Variants in DOCK1 observed in about 807,000 individuals in gnomAD.
DOCK1 encodes the protein dedicator of cytokinesis protein 1.
A neutral mutation model predicts 262.7 loss-of-function variants in DOCK1; 138 were observed. The ratio of observed to expected loss-of-function variants is 0.53; its 90% CI spans 0.46 to 0.61. The LOEUF is 0.61. Ranked by LOEUF, DOCK1 falls within the 20% of genes least tolerant of loss-of-function variation. The pLI, the probability that DOCK1 is intolerant of heterozygous loss-of-function variation, is 0.00. For missense variants in DOCK1, 1,908 were observed against 2,370.7 expected, an observed-to-expected ratio of 0.80 and a Z score of 4.05; for synonymous variants, 866 against 867.4, an observed-to-expected ratio of 1.00 and a Z score of 0.03.
intron 23 of DOCK1, among the ~76,000 whole-genome samples, chr10:127,063,961 G>A (rs1472916346): frequency 6.6e-6 from 1 of 152,178 alleles, no homozygotes; most frequent in African/African-American, 2.4e-5. Context: ...CTGGTAATTG[G>A]TATCGTATTA....
At chr10:127,061,150 C>A (rs2045504177) in intron 22 of DOCK1, among the ~76,000 whole-genome samples, 1 of 152,130 alleles carries the variant, frequency 6.6e-6, no homozygotes, top group Non-Finnish European at 1.5e-5. Context: ...ATTGCTTGAA[C>A]CCAGGAAGCG....
At chr10:127,067,552 G>T (rs1227502323) in intron 23 of DOCK1, among the ~76,000 whole-genome samples, 2 of 151,986 alleles carry the variant, frequency 1.3e-5, no homozygotes, top group Non-Finnish European at 2.9e-5. Context: ...TGTGTGTTGT[G>T]CATATGAAGC....
intron 22 of DOCK1, among the ~76,000 whole-genome samples, chr10:127,057,725 T>C (rs986090940): frequency 2.0e-5 from 3 of 152,226 alleles, no homozygotes; most frequent in African/African-American, 7.2e-5. Context: ...AATCTAGTTA[T>C]TGCCTGCCTT....
chr10:127,277,085 A>G (rs1030637069), intron 29 of DOCK1, among the ~76,000 whole-genome samples: 5 of 152,184 alleles, frequency 3.3e-5, no homozygotes, highest in African/African-American at 7.2e-5. Context: ...CTGCCTCTAT[A>G]TGGAGAACTG....
chr10:127,385,176 T>C (rs2066040562), intron 38 of DOCK1, among the ~76,000 whole-genome samples: 1 of 152,214 alleles, frequency 6.6e-6, no homozygotes, highest in African/African-American at 2.4e-5. Context: ...TCTGGAACAC[T>C]GATTCGGAGG....
At chr10:127,287,766 CTTA>C (rs932215184) in intron 29 of DOCK1, among the ~76,000 whole-genome samples, 5 of 151,844 alleles carry the variant, frequency 3.3e-5, no homozygotes, top group African/African-American at 1.2e-4. Context: ...TTTTCTGTCT[CTTA>C]TAACGTGAAG....
chr10:127,014,484 C>T (rs1025818442), intron 12 of DOCK1, among the ~76,000 whole-genome samples: 13 of 152,172 alleles, frequency 8.5e-5, no homozygotes, highest in African/African-American at 1.4e-4. Context: ...CGCAGGCCGG[C>T]GTTTCTGAGA....
intron 29 of DOCK1, among the ~76,000 whole-genome samples, chr10:127,279,922 A>C (rs1481186478): frequency 6.6e-6 from 1 of 151,670 alleles, no homozygotes; most frequent in Non-Finnish European, 1.5e-5. Context: ...AGTTCGAGAA[A>C]AGTGACCTTA....
chr10:127,048,195 C>T (rs1449290008), intron 21 of DOCK1, among the ~76,000 whole-genome samples: 3 of 152,126 alleles, frequency 2.0e-5, no homozygotes, highest in Non-Finnish European at 4.4e-5. Context: ...GACTTTGTAG[C>T]TATTGTACTG....
At chr10:127,155,459 C>T (rs1268461255) in intron 27 of DOCK1, among the ~76,000 whole-genome samples, 2 of 152,126 alleles carry the variant, frequency 1.3e-5, no homozygotes, top group African/African-American at 2.4e-5. Flanking sequence ...CTGTCTCTAT[C>T]GTCTTTCCAT....
In DOCK1 at chr10:126,996,900, C is replaced by A; in HGVS notation, c.609+17C>A. On this transcript the variant is annotated intron_variant, in intron 7 of 51. Coordinates refer to ENST00000623213, the MANE Select transcript of DOCK1 (RefSeq NM_001290223.2). ...GAGGAAAAAGTAAGTTTGACTCTGTCATATGCCATTCACGTTTTCTCAGTA... is the reference window on the plus strand; with the variant it reads ...GAGGAAAAAGTAAGTTTGACTCTGTAATATGCCATTCACGTTTTCTCAGTA... 1 of 1,568,480 alleles carries A rather than the reference C, an allele frequency of 6.4e-7. No individual in the cohort carries two copies.
At chr10:126,963,335 A>G (rs1271885437) in intron 1 of DOCK1, among the ~76,000 whole-genome samples, 1 of 152,096 alleles carries the variant, frequency 6.6e-6, no homozygotes, top group Non-Finnish European at 1.5e-5. Context: ...ATGAACACAA[A>G]TATTTTTCAG....
chr10:127,066,558 T>A (rs1014159559), intron 23 of DOCK1, among the ~76,000 whole-genome samples: 1 of 152,138 alleles, frequency 6.6e-6, no homozygotes, highest in African/African-American at 2.4e-5. Flanking sequence ...CCCACCTGGC[T>A]CTCCAAGCCT....
chr10:126,997,139 A>G (rs1238104797), intron 7 of DOCK1, among the ~76,000 whole-genome samples: 1 of 152,146 alleles, frequency 6.6e-6, no homozygotes, highest in East Asian at 1.9e-4. Context: ...TTGTGTTCTC[A>G]TCTGTCAAAT....
chr10:126,951,019 G>C (rs909507799), intron 1 of DOCK1, among the ~76,000 whole-genome samples: 1 of 151,944 alleles, frequency 6.6e-6, no homozygotes, highest in Non-Finnish European at 1.5e-5. Flanking sequence ...TGGTGAAGGT[G>C]GTAGTATTGT....
chr10:127,126,056 G>A (rs2049934470), intron 26 of DOCK1, among the ~76,000 whole-genome samples: 1 of 150,986 alleles, frequency 6.6e-6, no homozygotes, highest in South Asian at 2.1e-4. Context: ...CCCTAGGTCA[G>A]TGCTTTGCTT....
intron 29 of DOCK1, among the ~76,000 whole-genome samples, chr10:127,317,534 A>C (rs1022278491): frequency 3.3e-5 from 5 of 152,190 alleles, no homozygotes; most frequent in African/African-American, 1.2e-4. Context: ...CAGAACTCAC[A>C]GCGAGGTGGA....
rs557973453 is a variant in DOCK1, at chr10:127,020,413, C to T, written c.1327+1578C>T. Among the ~76,000 whole-genome samples the T allele has an allele frequency of 3.3e-5, 5 of 151,756 alleles. No homozygotes were observed. In the South Asian group the frequency reaches 6.3e-4, roughly 19 times the overall value. The stretch of plus-strand genomic sequence containing the variant: ...TAGACTTAAAAACTAAGTCTAGGCC[C>T]GGCGTGGTGGTGAGTGCCAGGTAGT... On this transcript the variant is annotated intron_variant, in intron 13 of 51. Coordinates refer to ENST00000623213, the MANE Select transcript of DOCK1 (RefSeq NM_001290223.2).
intron 1 of DOCK1, among the ~76,000 whole-genome samples, chr10:126,963,849 C>T (rs2037468051): frequency 1.3e-5 from 2 of 152,064 alleles, no homozygotes; most frequent in Admixed American, 6.6e-5. Flanking sequence ...AGGCTCATCT[C>T]TCTAGGAGGC....
Sources: allele counts gnomAD v4.1 joint callset (sites outside exome capture counted in the v4.1 genomes callset), GRCh38; gene constraint gnomAD v4.1.1; transcripts MANE v1.5; gene names NCBI Gene and HGNC (gene_info 2026-07-23, HGNC 2026-07-21).